The following MTA3 variants were observed in gnomAD, a reference collection of about 807,000 sequenced individuals.
MTA3 encodes metastasis-associated protein MTA3.
A neutral mutation model predicts 83.5 loss-of-function variants in MTA3; 34 were observed. The ratio of observed to expected loss-of-function variants is 0.41; its 90% CI spans 0.31 to 0.54. The LOEUF is 0.54. MTA3 is among the 20% of genes least tolerant of loss of function. The pLI is 0.33. For synonymous variants in MTA3, 303 were observed against 252.7 expected, an observed-to-expected ratio of 1.20 and a Z score of -1.89; for missense variants, 761 against 726.4, an observed-to-expected ratio of 1.05 and a Z score of -0.55.
chr2:42,705,111 G>C (rs1268259208), intron 12 of MTA3, among the ~76,000 whole-genome samples: 7 of 152,316 alleles, frequency 4.6e-5, no homozygotes, highest in African/African-American at 1.4e-4. Context: ...CTTCAGGAAG[G>C]ATATAGGAAT....
intron 2 of MTA3, among the ~76,000 whole-genome samples, chr2:42,515,840 T>TG (rs1675121076): frequency 1.6e-5 from 2 of 124,100 alleles, no homozygotes; most frequent in African/African-American, 6.4e-5. Flanking sequence ...TTATTTTATG[T>TG]ATTTTTTTTT....
intron 16 of MTA3, among the ~76,000 whole-genome samples, chr2:42,748,201 TTGTGTGTG>T (rs61339061): frequency 0.012 from 1,625 of 137,696 alleles, 31 homozygotes; most frequent in African/African-American, 0.042. Flanking sequence ...GCTAATGTGT[TTGTGTGTG>T]TGTGTGTGTG....
chr2:42,700,729 A>T (rs561495925), intron 11 of MTA3, among the ~76,000 whole-genome samples: 1 of 152,340 alleles, frequency 6.6e-6, no homozygotes, highest in African/African-American at 2.4e-5. Context: ...AATGCTGGTC[A>T]TTCTAAATCG....
intron 4 of MTA3, among the ~76,000 whole-genome samples, chr2:42,638,866 A>G (rs1687435645): frequency 4.8e-5 from 7 of 145,474 alleles, no homozygotes; most frequent in Admixed American, 3.6e-4. Context: ...AGTGATCACC[A>G]GAAAAAGACA....
chr2:42,576,581 A>G (rs183132194), intron 2 of MTA3, among the ~76,000 whole-genome samples: 9 of 151,060 alleles, frequency 6.0e-5, no homozygotes, highest in Non-Finnish European at 1.3e-4. Context: ...CCTGTGCAAC[A>G]TAATAAGACC....
chr2:42,686,606 C>T (rs1364994967), intron 9 of MTA3, among the ~76,000 whole-genome samples: 1 of 152,046 alleles, frequency 6.6e-6, no homozygotes, highest in Non-Finnish European at 1.5e-5. Flanking sequence ...GGGCGGATCA[C>T]TTGAGGTCAT....
chr2:42,661,544 G>A (rs1689718356), intron 8 of MTA3, among the ~76,000 whole-genome samples: 1 of 141,258 alleles, frequency 7.1e-6, no homozygotes, highest in Admixed American at 7.1e-5. Flanking sequence ...AGATATTTAT[G>A]TGAACCAGAA....
intron 4 of MTA3, among the ~76,000 whole-genome samples, chr2:42,621,284 T>C (rs1395910912): frequency 2.6e-5 from 4 of 152,188 alleles, no homozygotes; most frequent in Admixed American, 6.6e-5. Context: ...TGCAGCCTTC[T>C]GCAGTGTTTG....
intron 8 of MTA3, among the ~76,000 whole-genome samples, chr2:42,671,823 C>T (rs1053450637): frequency 2.0e-5 from 3 of 152,170 alleles, no homozygotes; most frequent in African/African-American, 4.8e-5. Context: ...ATAGGATCCT[C>T]CCCAGTATTT....
At chr2:42,506,106 T>C (rs1674616833) in intron 2 of MTA3, among the ~76,000 whole-genome samples, 1 of 152,112 alleles carries the variant, frequency 6.6e-6, no homozygotes, top group Admixed American at 6.6e-5. Context: ...ATGGGGTTCA[T>C]TTTATTAATC....
intron 4 of MTA3, among the ~76,000 whole-genome samples, chr2:42,616,448 C>T (rs1348001215): frequency 6.9e-6 from 1 of 145,792 alleles, no homozygotes; most frequent in Non-Finnish European, 1.5e-5. Context: ...ATGTTTATTG[C>T]GGAACATTGT....
At chr2:42,700,344 TC>T (rs1693754647) in intron 11 of MTA3, among the ~76,000 whole-genome samples, 1 of 152,212 alleles carries the variant, frequency 6.6e-6, no homozygotes, top group African/African-American at 2.4e-5. Context: ...ATGACATCAA[TC>T]ATTTGTCCCC....
At chr2:42,512,578 G>C (rs1033510482) in intron 2 of MTA3, among the ~76,000 whole-genome samples, 6 of 152,184 alleles carry the variant, frequency 3.9e-5, no homozygotes, top group African/African-American at 1.4e-4. Context: ...TCTGTTGTGA[G>C]GGATGAAACT....
chr2:42,650,088 A>G (rs1175651185), intron 6 of MTA3, among the ~76,000 whole-genome samples: 2 of 152,200 alleles, frequency 1.3e-5, no homozygotes, highest in East Asian at 1.9e-4. Context: ...TTAACAATGT[A>G]GTGGATAGTC....
chr2:42,563,440 C>T (rs1308732759), intron 2 of MTA3, among the ~76,000 whole-genome samples: 1 of 152,222 alleles, frequency 6.6e-6, no homozygotes, highest in East Asian at 1.9e-4. Context: ...AAGTGCTGAG[C>T]GTGAGCCACT....
chr2:42,503,328 C>T (rs914739608), intron 2 of MTA3, among the ~76,000 whole-genome samples: 1 of 152,180 alleles, frequency 6.6e-6, no homozygotes, highest in Non-Finnish European at 1.5e-5. Context: ...CCAGAGGTCA[C>T]CTTGTCACCA....
At chr2:42,706,020 C>T (rs1016022115) in intron 12 of MTA3, among the ~76,000 whole-genome samples, 6 of 151,954 alleles carry the variant, frequency 3.9e-5, no homozygotes, top group African/African-American at 7.3e-5. Context: ...GATTAGTTTA[C>T]GTAAAATGTA....
chr2:42,641,830 T>C (rs536508636), intron 5 of MTA3, among the ~76,000 whole-genome samples: 5 of 151,958 alleles, frequency 3.3e-5, no homozygotes, highest in Admixed American at 2.6e-4. Context: ...CGCGCTACTA[T>C]ACCTCTAGTC....
chr2:42,743,529 C>A (rs1669189159), intron 16 of MTA3, among the ~76,000 whole-genome samples: 1 of 152,214 alleles, frequency 6.6e-6, no homozygotes, highest in Non-Finnish European at 1.5e-5. Context: ...CCTTTTGAAT[C>A]TGCTCTCCTC....
Sources: allele counts gnomAD v4.1 joint callset (sites outside exome capture counted in the v4.1 genomes callset), GRCh38; gene constraint gnomAD v4.1.1; transcripts MANE v1.5; gene names NCBI Gene and HGNC (gene_info 2026-07-23, HGNC 2026-07-21).